Variants in FUT8 observed in about 807,000 individuals in gnomAD.
FUT8 encodes fucosyltransferase 8.
FUT8 carries 29 observed loss-of-function variants against 71.3 expected under a neutral mutation model. The observed-to-expected ratio is 0.41, with a 90% confidence interval of 0.30 to 0.55. The LOEUF (loss-of-function observed/expected upper bound fraction) is 0.55, where lower values mean the gene tolerates loss of function less well. FUT8 is among the 20% of genes least tolerant of loss of function. The probability of loss-of-function intolerance (pLI) is 0.34; values close to 1 mark genes in which losing one functional copy is unlikely to be tolerated. For synonymous variants in FUT8, 254 were observed against 239.3 expected (o/e 1.06, Z -0.57); for missense variants, 544 against 702.1 (o/e 0.77, Z 2.55).
intron 1 of FUT8, among the ~76,000 whole-genome samples, chr14:65,439,993 T>TATATATATATATAC (rs1555361023): frequency 1.4e-5 from 2 of 138,164 alleles, no homozygotes; most frequent in African/African-American, 2.6e-5. Context: ...TATATATATG[T>TATATATATATATAC]ACACACACAC....
chr14:65,637,043 C>A (rs1204659591), intron 6 of FUT8, among the ~76,000 whole-genome samples: 1 of 152,084 alleles, frequency 6.6e-6, no homozygotes, highest in Admixed American at 6.5e-5. Context: ...TTTTTTCCCG[C>A]AAAGTGAACA....
intron 3 of FUT8, among the ~76,000 whole-genome samples, chr14:65,596,589 G>A (rs560983424): frequency 1.8e-4 from 27 of 152,266 alleles, no homozygotes; most frequent in Admixed American, 8.5e-4. Flanking sequence ...GTATGGATTT[G>A]CAGAATAGTT....
intron 2 of FUT8, among the ~76,000 whole-genome samples, chr14:65,479,125 C>T (rs1036721883): frequency 6.6e-6 from 1 of 152,182 alleles, no homozygotes; most frequent in South Asian, 2.1e-4. Flanking sequence ...TACATACATT[C>T]ATTCCCTGGG....
the FUT8 span, among the ~76,000 whole-genome samples, chr14:65,365,849 T>C: frequency 6.6e-6 from 1 of 152,216 alleles, no homozygotes; most frequent in Non-Finnish European, 1.5e-5. Flanking sequence ...CTTTTCTTTT[T>C]TTTTTTGAGA....
intron 1 of FUT8, among the ~76,000 whole-genome samples, chr14:65,439,945 T>TGC (rs1256671247): frequency 1.3e-4 from 7 of 53,220 alleles, no homozygotes; most frequent in African/African-American, 3.8e-4. Context: ...AAAATGTGTG[T>TGC]GTGTGTGTGT....
intron 1 of FUT8, among the ~76,000 whole-genome samples, chr14:65,423,176 G>A (rs1197214398): frequency 6.6e-6 from 1 of 151,168 alleles, no homozygotes; most frequent in East Asian, 1.9e-4. Context: ...TGTAGAGACG[G>A]GGTTTCACCA....
the FUT8 span, among the ~76,000 whole-genome samples, chr14:65,363,548 C>T: frequency 1.3e-5 from 2 of 152,296 alleles, no homozygotes; most frequent in Non-Finnish European, 2.9e-5. Flanking sequence ...TGAGCCACTG[C>T]GCCCGGCCAG....
intron 2 of FUT8, among the ~76,000 whole-genome samples, chr14:65,510,757 G>C (rs1397798849): frequency 6.6e-6 from 1 of 152,042 alleles, no homozygotes; most frequent in Middle Eastern, 3.2e-3. Flanking sequence ...GGATTTCTGT[G>C]ATATCGGTTG....
At chr14:65,532,020 C>T (rs1032948573) in intron 2 of FUT8, among the ~76,000 whole-genome samples, 1 of 152,036 alleles carries the variant, frequency 6.6e-6, no homozygotes, top group African/African-American at 2.4e-5. Context: ...CCAGTCTACC[C>T]TTGATAGGCA....
At chr14:65,416,061 G>A (rs2139361243) in intron 1 of FUT8, among the ~76,000 whole-genome samples, 1 of 152,178 alleles carries the variant, frequency 6.6e-6, no homozygotes. Context: ...GAATCTCAAT[G>A]CTGATAAAGT....
intron 8 of FUT8, among the ~76,000 whole-genome samples, chr14:65,723,364 G>A (rs563343023): frequency 6.6e-6 from 1 of 152,028 alleles, no homozygotes; most frequent in Admixed American, 6.6e-5. Flanking sequence ...AAGATGGGAG[G>A]AGAGAGGAGA....
intron 7 of FUT8, among the ~76,000 whole-genome samples, chr14:65,679,109 G>A (rs1182503633): frequency 1.3e-5 from 2 of 152,160 alleles, no homozygotes; most frequent in African/African-American, 2.4e-5. Context: ...GTAAATCACC[G>A]TGTTTTTCTT....
chr14:65,643,664 ATACACACACACAC>A lies in FUT8; in HGVS notation c.597+14059_597+14071del, dbSNP rs1170926404. Among the ~76,000 whole-genome samples the A allele has an allele frequency of 6.1e-5, 5 of 82,350 alleles. No homozygotes were observed. Among genetic ancestry groups the A allele is most frequent in the South Asian group, 4.2e-4 (1 of 2,370 alleles). 54.0% of individuals were successfully genotyped at this position (82,350 alleles called of 152,430 possible). ...GCGAGACTCCGTCTTTAAAAAAAAA[ATACACACACACAC>A]ACACACACACACACACACACACACA... is the stretch of plus-strand genomic sequence containing the variant. On this transcript the variant is annotated intron_variant, in intron 6 of 10. Transcript: ENST00000673929. This position sits in a 1 kb window ranked among gnomAD's most constrained non-coding sequence, Gnocchi z 4.5.
intron 3 of FUT8, among the ~76,000 whole-genome samples, chr14:65,615,198 A>T (rs566788735): frequency 7.9e-5 from 12 of 152,142 alleles, no homozygotes; most frequent in Non-Finnish European, 1.5e-4. Context: ...TGGTTCAAGG[A>T]TGGTTCAAGC....
chr14:65,662,051 C>T (rs770488064), intron 6 of FUT8, among the ~76,000 whole-genome samples: 1 of 152,158 alleles, frequency 6.6e-6, no homozygotes, highest in Non-Finnish European at 1.5e-5. Context: ...ATACAGCTTT[C>T]AGCTCTGTTG....
chr14:65,712,650 G>T (rs1894862915), intron 7 of FUT8, among the ~76,000 whole-genome samples: 2 of 152,128 alleles, frequency 1.3e-5, no homozygotes, highest in Admixed American at 6.5e-5. Context: ...TCTCCATGTT[G>T]GTCAGGCTGA....
At position 65,696,898 on chromosome 14, in the gene FUT8, A is replaced by T. The variant is rs192020649; in HGVS notation, c.836-24877A>T. Among the ~76,000 whole-genome samples the T allele has an allele frequency of 6.4e-3, 968 of 151,936 alleles. 32 individuals carry two copies. In the East Asian group the frequency reaches 0.093, roughly 15 times the overall value. On this transcript the variant is annotated intron_variant, in intron 7 of 10. Transcript: ENST00000673929. ...TTTTTATTTTTAGCATTTAAAAAAA[A>T]TTTTTTTTCCTTGGAGTTTCCATCT...
chr14:65,627,907 G>A lies in FUT8; in HGVS notation c.483-1585G>A, dbSNP rs1251067597. Among the ~76,000 whole-genome samples the A allele has an allele frequency of 6.6e-6, 1 of 152,170 alleles. No individual in the cohort carries two copies. The highest frequency in any genetic ancestry group is 1.9e-4 in the East Asian group (1 of 5,198). ...CCTGACCATCACCTGATGGTCGCCT[G>A]ACATTGCTTGGAGGTTAAGGGGGTG... On this transcript the variant is annotated intron_variant, in intron 5 of 10. Transcript: ENST00000673929. This position sits in a 1 kb window ranked among gnomAD's most constrained non-coding sequence, Gnocchi z 4.0.
At chr14:65,665,358 A>G (rs1892158657) in intron 6 of FUT8, among the ~76,000 whole-genome samples, 1 of 152,192 alleles carries the variant, frequency 6.6e-6, no homozygotes, top group African/African-American at 2.4e-5. Context: ...TACTTTTTTC[A>G]TAAAGATATT....
Sources: gnomAD v4.1 joint callset for allele counts (sites outside exome capture counted in the v4.1 genomes callset) on GRCh38, gnomAD v4.1.1 for gene constraint, Gnocchi (gnomAD v3.1) non-coding constraint, MANE v1.5 for transcripts, NCBI Gene and HGNC (gene_info 2026-07-23, HGNC 2026-07-21) for gene names.